The following POM121 variants were observed in gnomAD, a reference collection of about 807,000 sequenced individuals.
POM121 encodes the protein POM121 transmembrane nucleoporin, also known as nuclear envelope pore membrane protein POM 121.
POM121 carries 32 observed loss-of-function variants against 81.3 expected under a neutral mutation model. The ratio of observed to expected loss-of-function variants is 0.39; its 90% confidence interval spans 0.30 to 0.53. The LOEUF is 0.53. Among genes scored for constraint, POM121 ranks in the 20% least tolerant of loss-of-function variants. The probability of loss-of-function intolerance (pLI) is 0.66; values close to 1 mark genes in which losing one functional copy is unlikely to be tolerated. For synonymous variants in POM121, 514 were observed against 694.2 expected, an observed-to-expected ratio of 0.74 and a Z score of 4.08; for missense variants, 1,138 against 1,614.6, an observed-to-expected ratio of 0.70 and a Z score of 5.06.
At position 72,946,360 on chromosome 7, in the gene POM121, G is replaced by C. The variant is rs1348613299; in HGVS notation, c.*126G>C. On this transcript the variant is annotated 3_prime_UTR_variant, in exon 13 of 13. Transcript: ENST00000434423. ...CTACCCCGGATCTCTGGCTTCAGCC[G>C]CCAGGGGGCAGTGGCAGCCCTGGGG... The C allele has an allele frequency of 3.1e-5, 44 of 1,438,704 alleles. No individual in the cohort carries two copies. Among genetic ancestry groups the C allele is most frequent in the Non-Finnish European group, 4.0e-5 (44 of 1,091,810 alleles). 89.1% of individuals were successfully genotyped at this position (1,438,704 alleles called of 1,614,324 possible).
chr7:72,896,243 C>T (rs2867766), intron 3 of POM121, among the ~76,000 whole-genome samples: 2 of 152,066 alleles, frequency 1.3e-5, no homozygotes, highest in African/African-American at 4.8e-5. Flanking sequence ...CCAGCACTTT[C>T]GGTGGTCAAG....
At chr7:72,888,673 A>AGGGTGTGTGTGTGTGT (rs1554490412) in intron 1 of POM121, among the ~76,000 whole-genome samples, 1 of 134,718 alleles carries the variant, frequency 7.4e-6, no homozygotes, top group African/African-American at 3.5e-5. Flanking sequence ...CTGAGGCATA[A>AGGGTGTGTGTGTGTGT]GAGTGTGTGT....
rs782113659 is a variant in POM121, at chr7:72,945,570, G to C, written c.3530-16G>C. 3 of 1,612,992 alleles carry C rather than the reference G, an allele frequency of 1.9e-6. No individual in the cohort carries two copies. The highest frequency in any genetic ancestry group is 1.7e-6 in the Non-Finnish European group (2 of 1,179,692). Reference sequence around the variant, plus strand: ...CCCTCTGCTCACTGGCCAGCTCTCTGTTCTCTTCATTCCAGGCACCGCCAC... The same window carrying C: ...CCCTCTGCTCACTGGCCAGCTCTCTCTTCTCTTCATTCCAGGCACCGCCAC... On this transcript the variant is annotated splice_polypyrimidine_tract_variant and intron_variant, in intron 11 of 12. Transcript: ENST00000434423.
rs1488972969 is a variant in POM121, at chr7:72,926,413, A to G, written c.796A>G (p.Met266Val). The G allele has an allele frequency of 6.2e-7, 1 of 1,613,872 alleles. No individual in the cohort carries two copies. The highest frequency in any genetic ancestry group is 1.3e-5 in the African/African-American group (1 of 74,914). The change falls in exon 2 of 13, where the codon ATG becomes GTG. Residue 266 changes from methionine to valine, a missense_variant. Met to Val is a conservative substitution (Grantham distance 21). Coordinates refer to ENST00000434423, the MANE Select transcript of POM121 (RefSeq NM_001387691.1). ...TGTGCTGTCCCCTCGCAACTCCAGG[A>G]TGGTGTGTAGCCCAGTGACTGTGAG... ...KAVLSPRNSR[M>V]VCSPVTVRIA... is the part of the protein sequence containing the mutation.
At chr7:72,908,622 T>C (rs1350561936) in intron 3 of POM121, among the ~76,000 whole-genome samples, 1 of 152,154 alleles carries the variant, frequency 6.6e-6, no homozygotes, top group Non-Finnish European at 1.5e-5. Flanking sequence ...GGGAACTTAT[T>C]TCCTCCCTTA....
At chr7:72,949,904 G>A, downstream of POM121, 1 of 1,611,132 alleles carries the variant, frequency 6.2e-7, no homozygotes, top group South Asian at 1.1e-5. Context: ...GGTGGCACAG[G>A]CATCCATGAC....
At chr7:72,901,054 T>C (rs28808693) in intron 3 of POM121, among the ~76,000 whole-genome samples, 1 of 151,606 alleles carries the variant, frequency 6.6e-6, no homozygotes, top group Admixed American at 6.6e-5. Context: ...GGTGTAATCA[T>C]AGCTCATTGA....
intron 11 of POM121, among the ~76,000 whole-genome samples, chr7:72,944,139 A>G (rs1797422250): frequency 6.6e-6 from 1 of 152,158 alleles, no homozygotes; most frequent in Non-Finnish European, 1.5e-5. Context: ...AGGCAGAAAC[A>G]TGTTTGGTAT....
chr7:72,928,637 C>A (rs1453193068), intron 4 of POM121, among the ~76,000 whole-genome samples, 172 bp downstream of exon 4: 2 of 152,220 alleles, frequency 1.3e-5, no homozygotes. Context: ...TGCCTTCTGT[C>A]TAATTCCTTT....
intron 3 of POM121, among the ~76,000 whole-genome samples, chr7:72,897,784 G>A (rs1246672208): frequency 6.6e-6 from 1 of 152,190 alleles, no homozygotes; most frequent in Non-Finnish European, 1.5e-5. Context: ...ACTTTGGGAG[G>A]CCAAGGCAGG....
intron 4 of POM121, among the ~76,000 whole-genome samples, chr7:72,915,589 G>A (rs1794219124): frequency 6.6e-6 from 1 of 152,118 alleles, no homozygotes; most frequent in African/African-American, 2.4e-5. Flanking sequence ...TGGCCAGGCT[G>A]GTCTTGAACT....
chr7:72,913,134 C>T (rs1793966480), intron 3 of POM121, among the ~76,000 whole-genome samples: 2 of 152,184 alleles, frequency 1.3e-5, no homozygotes, highest in African/African-American at 2.4e-5. Context: ...ACCAGCAGCT[C>T]GAGACCATTC....
At chr7:72,927,073 G>C (rs539429883) in intron 3 of POM121, 110 bp downstream of exon 3, 13 of 1,544,010 alleles carry the variant, frequency 8.4e-6, no homozygotes, top group Non-Finnish European at 1.2e-5. Flanking sequence ...ATGAGCCTTC[G>C]TAGGCCCCCT....
At chr7:72,924,173 C>T (rs1197116431), upstream of POM121, among the ~76,000 whole-genome samples, 1 of 149,978 alleles carries the variant, frequency 6.7e-6, no homozygotes, top group Non-Finnish European at 1.5e-5. Context: ...GTCTCGATCT[C>T]CTGACCTTGT....
rs782711357 is a variant in POM121, at chr7:72,926,465, C to T, written c.848C>T (p.Ser283Leu). 4 of 1,613,880 alleles carry T rather than the reference C, an allele frequency of 2.5e-6. No individual in the cohort carries two copies. The African/African-American group carries it at 4.0e-5, about 16-fold the overall frequency. ...ATCGCCCCTCCTGACAGAAGATTTT[C>T]GCGTTCTGCGATGTGAGTATTATCG... Reference protein sequence around the residue: ...VRIAPPDRRFSRSAIPEQIIS... With the variant: ...VRIAPPDRRFLRSAIPEQIIS... Residue 283 changes from serine (S) to leucine (L), a missense_variant, in exon 2 of 13, where the codon TCG (serine) becomes TTG (leucine). By Grantham distance (145) the Ser-to-Leu change is moderately radical. Transcript: ENST00000434423.
intron 1 of POM121, among the ~76,000 whole-genome samples, chr7:72,886,191 T>TTTATTTA (rs1563130519): frequency 7.1e-6 from 1 of 141,648 alleles, no homozygotes; most frequent in African/African-American, 2.9e-5. Flanking sequence ...TTATTTATTT[T>TTTATTTA]GAGACAGAGT....
intron 11 of POM121, 112 bp from the exon 12 acceptor site, chr7:72,945,474 G>A (rs1256778496): frequency 7.9e-7 from 1 of 1,264,408 alleles, no homozygotes; most frequent in Non-Finnish European, 1.1e-6. Flanking sequence ...AGAAGCAGAA[G>A]TGGGGCTGAG....
intron 3 of POM121, among the ~76,000 whole-genome samples, chr7:72,906,788 A>T (rs1281592640): frequency 6.6e-6 from 1 of 151,046 alleles, no homozygotes; most frequent in Non-Finnish European, 1.5e-5. Context: ...ATGCCTGGCT[A>T]ATCTTTTTTT....
rs1791255974 is a variant in POM121, at chr7:72,891,119, G to A, written c.-216+9G>A. On this transcript the variant is annotated intron_variant, in intron 3 of 15. Transcript: ENST00000395270. The stretch of plus-strand genomic sequence containing the variant: ...ATGTCAACATAGTCCAGGTAAGTTA[G>A]TAGAGTATCAAATGTTAAAAAATGC... 47 of 994,378 alleles carry A rather than the reference G, an allele frequency of 4.7e-5. No homozygotes were observed. The South Asian group carries it at 6.4e-4, about 14-fold the overall frequency. 61.6% of individuals were successfully genotyped at this position (994,378 alleles called of 1,614,324 possible).
Sources: gnomAD v4.1 joint callset for allele counts (sites outside exome capture counted in the v4.1 genomes callset) on GRCh38, gnomAD v4.1.1 for gene constraint, MANE v1.5 for transcripts, NCBI Gene and HGNC (gene_info 2026-07-23, HGNC 2026-07-21) for gene names.